The following MGAT5 variants were observed in gnomAD, a reference collection of about 807,000 sequenced individuals.
The protein encoded by MGAT5 is alpha-1,6-mannosylglycoprotein 6-beta-N-acetylglucosaminyltransferase A.
In MGAT5, 30 loss-of-function variants were observed where a neutral mutation model predicts 94.3. The ratio of observed to expected loss-of-function variants is 0.32; its 90% CI spans 0.24 to 0.43. The LOEUF (loss-of-function observed/expected upper bound fraction) is 0.43. MGAT5 is among the 20% of genes least tolerant of loss of function. The pLI, the probability that MGAT5 is intolerant of heterozygous loss-of-function variation, is 1.00. For synonymous variants in MGAT5, 310 were observed against 322.9 expected, an observed-to-expected ratio of 0.96 and a Z score of 0.43; for missense variants, 691 against 905.5, an observed-to-expected ratio of 0.76 and a Z score of 3.04.
At chr2:134,391,970 T>G (rs1440435869) in intron 10 of MGAT5, among the ~76,000 whole-genome samples, 1 of 152,200 alleles carries the variant, frequency 6.6e-6, no homozygotes, top group Non-Finnish European at 1.5e-5. Context: ...AATCCTGGTT[T>G]CCTGGCTCTG....
chr2:134,207,857 G>A (rs1025656179), intron 1 of MGAT5, among the ~76,000 whole-genome samples: 11 of 152,204 alleles, frequency 7.2e-5, no homozygotes, highest in African/African-American at 2.7e-4. Context: ...ACAACTCAGG[G>A]AGGTTTTAAG....
chr2:134,324,314 G>C (rs1448185606), intron 4 of MGAT5, among the ~76,000 whole-genome samples: 1 of 152,146 alleles, frequency 6.6e-6, no homozygotes, highest in African/African-American at 2.4e-5. Context: ...AGATGCATGA[G>C]AGTGTGTCTA....
At chr2:134,367,198 T>G (rs13035520) in intron 10 of MGAT5, among the ~76,000 whole-genome samples, 5,885 of 152,336 alleles carry the variant, frequency 0.039, 191 homozygotes, top group South Asian at 0.15. Context: ...ACTTAGCTGG[T>G]GCACAGTAAG....
chr2:134,356,615 T>G (rs957116434), intron 9 of MGAT5, among the ~76,000 whole-genome samples: 1 of 151,894 alleles, frequency 6.6e-6, no homozygotes, highest in Non-Finnish European at 1.5e-5. Flanking sequence ...GTGAATGGAG[T>G]AGGGAAAATT....
At chr2:134,234,608 G>C (rs1416575208) in intron 1 of MGAT5, among the ~76,000 whole-genome samples, 2 of 152,140 alleles carry the variant, frequency 1.3e-5, no homozygotes, top group Non-Finnish European at 2.9e-5. Flanking sequence ...TCTGAGGCCT[G>C]CTTCTCTCTC....
At chr2:134,189,602 G>GTTGTTGTTTT (rs1689232395) in intron 1 of MGAT5, among the ~76,000 whole-genome samples, 1 of 84,672 alleles carries the variant, frequency 1.2e-5, no homozygotes, top group African/African-American at 4.8e-5. Context: ...GTTTTTTTTT[G>GTTGTTGTTTT]TTTTTTTTTT....
intron 12 of MGAT5, among the ~76,000 whole-genome samples, chr2:134,413,248 A>T (rs959259540): frequency 1.3e-5 from 2 of 152,138 alleles, no homozygotes; most frequent in African/African-American, 4.8e-5. Flanking sequence ...ACTCTAGCTT[A>T]CTGTAAACTC....
Position 134,362,411 on chromosome 2 carries a change from G to C in MGAT5, c.1380+3G>C, listed in dbSNP as rs756206183. 1 of 1,613,762 alleles carries C rather than the reference G, an allele frequency of 6.2e-7. No individual in the cohort carries two copies. The highest frequency in any genetic ancestry group is 8.5e-7 in the Non-Finnish European group (1 of 1,179,878). On this transcript the variant is annotated splice_donor_region_variant and intron_variant, in intron 10 of 15. Coordinates refer to ENST00000281923, the MANE Select transcript of MGAT5 (RefSeq NM_002410.5). Reference sequence around the variant, plus strand: ...GCAAAGTGGATAGCTTCTGGAAGGTGAGTCAGTCTGTGCGTGTCTCTCTCT... The same window carrying C: ...GCAAAGTGGATAGCTTCTGGAAGGTCAGTCAGTCTGTGCGTGTCTCTCTCT...
At chr2:134,293,073 A>G (rs978392463) in intron 2 of MGAT5, among the ~76,000 whole-genome samples, 4 of 152,198 alleles carry the variant, frequency 2.6e-5, no homozygotes, top group African/African-American at 9.6e-5. Context: ...AACACATGAA[A>G]GGCACCTTCA....
At chr2:134,257,666 T>G (rs969624162) in intron 1 of MGAT5, among the ~76,000 whole-genome samples, 1 of 152,176 alleles carries the variant, frequency 6.6e-6, no homozygotes, top group African/African-American at 2.4e-5. Context: ...AGAGCCATTC[T>G]GATGATATAT....
chr2:134,335,907 A>G (rs1029613161), intron 4 of MGAT5, among the ~76,000 whole-genome samples: 26 of 152,186 alleles, frequency 1.7e-4, no homozygotes, highest in Non-Finnish European at 3.2e-4. Context: ...ACTTTCTGCC[A>G]TTAGACTGCC....
intron 15 of MGAT5, among the ~76,000 whole-genome samples, chr2:134,443,503 A>G (rs755815515): frequency 6.6e-6 from 1 of 151,908 alleles, no homozygotes; most frequent in African/African-American, 2.4e-5. Context: ...TGGTGATGCT[A>G]TTTTTTTCCT....
chr2:134,372,044 T>C (rs192891492), intron 10 of MGAT5, among the ~76,000 whole-genome samples: 19 of 152,152 alleles, frequency 1.2e-4, no homozygotes, highest in African/African-American at 4.3e-4. Flanking sequence ...TTAGTTAGAA[T>C]TTCCAGGGGA....
chr2:134,146,733 A>G (rs1416337816), intron 1 of MGAT5, among the ~76,000 whole-genome samples: 1 of 152,114 alleles, frequency 6.6e-6, no homozygotes, highest in African/African-American at 2.4e-5. Context: ...ATCGCTGGGT[A>G]CCGGCATTGG....
chr2:134,264,312 G>A (rs1258564214), intron 1 of MGAT5, among the ~76,000 whole-genome samples: 1 of 152,150 alleles, frequency 6.6e-6, no homozygotes, highest in East Asian at 1.9e-4. Context: ...ATGAGCCACC[G>A]CACCCGGCCA....
intron 1 of MGAT5, among the ~76,000 whole-genome samples, chr2:134,142,692 A>G (rs1229396880): frequency 1.3e-5 from 2 of 152,214 alleles, no homozygotes; most frequent in Non-Finnish European, 2.9e-5. Flanking sequence ...AGAAGCTGAG[A>G]AGGGAAGGAA....
At chr2:134,249,290 A>G (rs957304464), upstream of MGAT5, among the ~76,000 whole-genome samples, 9 of 150,380 alleles carry the variant, frequency 6.0e-5, no homozygotes, top group African/African-American at 2.0e-4. Flanking sequence ...ATTTAAACGT[A>G]TACAACTCCA....
At chr2:134,319,722 C>A in intron 4 of MGAT5, 1 of 413,600 alleles carries the variant, frequency 2.4e-6, no homozygotes, top group South Asian at 1.7e-5. Context: ...TGGTGGAATT[C>A]AATGTAGCTG....
chr2:134,286,621 T>C (rs1685022432), intron 2 of MGAT5, among the ~76,000 whole-genome samples: 1 of 152,100 alleles, frequency 6.6e-6, no homozygotes. Context: ...GGTTTTACCA[T>C]GTTGGCCAGG....
Sources: gnomAD v4.1 joint callset for allele counts (sites outside exome capture counted in the v4.1 genomes callset) on GRCh38, gnomAD v4.1.1 for gene constraint, MANE v1.5 for transcripts, NCBI Gene and HGNC (gene_info 2026-07-23, HGNC 2026-07-21) for gene names.